Variants in FAM124B observed in about 807,000 individuals in gnomAD.
FAM124B encodes the protein protein FAM124B.
In FAM124B, 18 loss-of-function variants were observed where a neutral mutation model predicts 19.7. The ratio of observed to expected loss-of-function variants is 0.92; its 90% confidence interval spans 0.63 to 1.36. The LOEUF is 1.36. Ranked by LOEUF, FAM124B falls within the 40% of genes most tolerant of loss-of-function variation. The pLI, the probability that FAM124B is intolerant of heterozygous loss-of-function variation, is 0.00. For missense variants in FAM124B, 540 were observed against 553.3 expected, an observed-to-expected ratio of 0.98 and a Z score of 0.24; for synonymous variants, 223 against 225.2, an observed-to-expected ratio of 0.99 and a Z score of 0.09.
chr2:224,387,000 A>G (rs1689809183), intron 1 of FAM124B, among the ~76,000 whole-genome samples: 1 of 152,192 alleles, frequency 6.6e-6, no homozygotes, highest in Non-Finnish European at 1.5e-5. Flanking sequence ...AGAGAAGTCT[A>G]AGATCCTTAA....
Position 224,379,814 on chromosome 2 carries a change from T to C in FAM124B, c.1127A>G (p.Gln376Arg), listed in dbSNP as rs368113991. 46 of 1,551,918 alleles carry C rather than the reference T, an allele frequency of 3.0e-5. No homozygotes were observed. The African/African-American group carries it at 5.7e-4, about 19-fold the overall frequency. ...CCTTGGAAATCCGCCAAAATAAGTC[T>C]GCCTGGGTTCAGAATTTATGATGGT... is the stretch of plus-strand genomic sequence containing the variant. ...GLTIINSEPRQTYFGGFPRDL... is the reference protein window; with the variant it reads ...GLTIINSEPRRTYFGGFPRDL... Residue 376 changes from glutamine (Q) to arginine (R), a missense_variant, in exon 2 of 2, where the codon CAG becomes CGG. Transcript: ENST00000409685.
At chr2:224,394,271 T>C (rs1356983466) in intron 1 of FAM124B, among the ~76,000 whole-genome samples, 1 of 152,114 alleles carries the variant, frequency 6.6e-6, no homozygotes, top group Non-Finnish European at 1.5e-5. Flanking sequence ...ACTCCACCTA[T>C]GCCCCTAGCC....
chr2:224,379,341 G>A lies in FAM124B; in HGVS notation c.*232C>T, dbSNP rs956730307. On this transcript the variant is annotated 3_prime_UTR_variant, in exon 2 of 2. Transcript: ENST00000409685. ...GCATCTCCACGGAACAAAAGCATTC[G>A]GTTTTTTTCCCTGTGTGTTGGCTGT... 7.7e-5 allele frequency: 41 copies of A among 533,972 alleles called. No homozygotes were observed. The highest frequency in any genetic ancestry group is 1.1e-4 in the Non-Finnish European group (37 of 323,706). 33.1% of individuals were successfully genotyped at this position (533,972 alleles called of 1,614,324 possible). A position where few individuals can be genotyped will look rare whatever the true frequency, so the allele number is the denominator to read the frequency against.
rs183966954 is a variant in FAM124B, at chr2:224,391,144, G to T, written c.732+9893C>A. Among the ~76,000 whole-genome samples, 507 of 150,672 alleles carry T rather than the reference G, an allele frequency of 3.4e-3. 13 individuals carry two copies. Among genetic ancestry groups the T allele is most frequent in the Admixed American group, 0.024 (360 of 15,164 alleles). On this transcript the variant is annotated intron_variant, in intron 1 of 1. Coordinates refer to ENST00000409685, the MANE Select transcript of FAM124B (RefSeq NM_001122779.2). ...GATCACGAGGTCAGGAGTTTGAGAC[G>T]AGCCTGGCCAAGATGGTGAAACTCC...
intron 1 of FAM124B, among the ~76,000 whole-genome samples, chr2:224,390,507 G>A (rs143909154): frequency 6.6e-6 from 1 of 151,972 alleles, no homozygotes; most frequent in East Asian, 1.9e-4. Context: ...GAGGGCCTCT[G>A]GTAACAGAAA....
At position 224,379,722 on chromosome 2, in the gene FAM124B, T is replaced by G. The variant is rs758419033; in HGVS notation, c.1219A>C (p.Asn407His). The G allele has an allele frequency of 1.9e-6, 3 of 1,551,686 alleles. No individual in the cohort carries two copies. The highest frequency in any genetic ancestry group is 1.7e-4 in the Middle Eastern group (1 of 5,992). ...ACTCTTTCCTTAAGGACACTGTTGT[T>G]TTTGGAGGTAGCCACCCCCAAGGAA... Reference protein sequence around the residue: ...ASSLGVATSKNNSVLKERVSP... With the variant: ...ASSLGVATSKHNSVLKERVSP... The change falls in exon 2 of 2, where the codon AAC becomes CAC. Residue 407 changes from asparagine to histidine, a missense_variant. Physicochemically the swap from Asn to His is moderately conservative, Grantham distance 68. Transcript: ENST00000409685.
At position 224,383,257 on chromosome 2, in the gene FAM124B, G is replaced by A. The variant is rs190727636; in HGVS notation, c.733-3049C>T. Among the ~76,000 whole-genome samples, 5 of 152,192 alleles carry A rather than the reference G, an allele frequency of 3.3e-5. 1 individual carries two copies. Among genetic ancestry groups the A allele is most frequent in the African/African-American group, 7.2e-5 (3 of 41,512 alleles). ...TAATTCTAATGTGCAGCGAAGTTTC[G>A]GAACTACTGCCATGGACCCAGAAAA... On this transcript the variant is annotated intron_variant, in intron 1 of 1. Coordinates refer to ENST00000409685, the MANE Select transcript of FAM124B (RefSeq NM_001122779.2).
At chr2:224,391,419 A>G (rs149937988) in intron 1 of FAM124B, among the ~76,000 whole-genome samples, 194 of 152,162 alleles carry the variant, frequency 1.3e-3, no homozygotes, top group African/African-American at 4.4e-3. Context: ...AACCTTATCC[A>G]GTAGGTTACT....
intron 1 of FAM124B, among the ~76,000 whole-genome samples, chr2:224,381,429 C>G (rs943391130): frequency 3.3e-5 from 5 of 151,842 alleles, no homozygotes; most frequent in Admixed American, 6.6e-5. Context: ...GCACTCCAGC[C>G]TGGGTGACAG....
chr2:224,397,034 C>A (rs1386596881), intron 1 of FAM124B, among the ~76,000 whole-genome samples: 1 of 152,046 alleles, frequency 6.6e-6, no homozygotes, highest in African/African-American at 2.4e-5. Context: ...ATTTTCTTTT[C>A]TTTTCTTCTC....
chr2:224,397,032 T>TTCTTTTCTTCTCTTCTCTCC (rs1217272447), intron 1 of FAM124B, among the ~76,000 whole-genome samples: 3 of 152,070 alleles, frequency 2.0e-5, no homozygotes, highest in Admixed American at 6.5e-5. Flanking sequence ...GGATTTTCTT[T>TTCTTTTCTTCTCTTCTCTCC]TCTTTTCTTC....
chr2:224,380,394 A>G (rs1156369758), intron 1 of FAM124B, among the ~76,000 whole-genome samples, 186 bp from the exon 2 acceptor site: 1 of 152,168 alleles, frequency 6.6e-6, no homozygotes, highest in African/African-American at 2.4e-5. Flanking sequence ...CCCAGCCCCA[A>G]ATACCTCTCT....
chr2:224,390,537 A>G (rs1375697924), intron 1 of FAM124B, among the ~76,000 whole-genome samples: 4 of 152,050 alleles, frequency 2.6e-5, no homozygotes, highest in Non-Finnish European at 4.4e-5. Flanking sequence ...AAATGCCGTG[A>G]GCTCATCGAG....
At chr2:224,393,522 G>A (rs1272290099) in intron 1 of FAM124B, among the ~76,000 whole-genome samples, 1 of 152,168 alleles carries the variant, frequency 6.6e-6, no homozygotes, top group Non-Finnish European at 1.5e-5. Context: ...GAGGCGAGGT[G>A]TGTGTGACCT....
chr2:224,400,704 T>C (rs1690053513), intron 1 of FAM124B, among the ~76,000 whole-genome samples: 1 of 152,152 alleles, frequency 6.6e-6, no homozygotes, highest in South Asian at 2.1e-4. Flanking sequence ...CTGATCTTTA[T>C]AGTAGAATCC....
At position 224,401,896 on chromosome 2, in the gene FAM124B, TGA is replaced by T. The variant is rs1233693291; in HGVS notation, c.-130_-129del. On this transcript the variant is annotated 5_prime_UTR_variant, in exon 1 of 2. Coordinates refer to ENST00000409685, the MANE Select transcript of FAM124B (RefSeq NM_001122779.2). ...AACCTTCAGCTGCAGCGGCTACTTC[TGA>T]GCAGAGCTCTTAACCAGACTAACAC... 8.9e-7 allele frequency: 1 copy of T among 1,117,606 alleles called. No homozygotes were observed. The highest frequency in any genetic ancestry group is 1.3e-6 in the Non-Finnish European group (1 of 793,330). The allele number at this position is 1,117,606 out of a possible 1,614,324, so 69.2% of individuals were successfully genotyped here. A position where few individuals can be genotyped will look rare whatever the true frequency, so the allele number is the denominator to read the frequency against.
chr2:224,393,527 T>G (rs1311267362), intron 1 of FAM124B, among the ~76,000 whole-genome samples: 1 of 152,212 alleles, frequency 6.6e-6, no homozygotes, highest in Non-Finnish European at 1.5e-5. Flanking sequence ...GAGGTGTGTG[T>G]GACCTTTCCC....
chr2:224,401,819 T>C lies in FAM124B; in HGVS notation c.-51A>G, dbSNP rs1386930173. On this transcript the variant is annotated 5_prime_UTR_variant, in exon 1 of 2. Transcript: ENST00000409685. ...GACAGCGTGTGTAGAAGGCCCACTG[T>C]TCAAGTTTCTGAAATGAATGAAGAA... 2 of 1,552,850 alleles carry C rather than the reference T, an allele frequency of 1.3e-6. No individual in the cohort carries two copies. The highest frequency in any genetic ancestry group is 1.7e-6 in the Non-Finnish European group (2 of 1,152,852).
At chr2:224,388,310 T>A (rs936943241) in intron 1 of FAM124B, among the ~76,000 whole-genome samples, 1 of 152,186 alleles carries the variant, frequency 6.6e-6, no homozygotes, top group African/African-American at 2.4e-5. Flanking sequence ...AATTGAAGAT[T>A]AAATGAAAGG....
Sources: gnomAD v4.1 joint callset for allele counts (sites outside exome capture counted in the v4.1 genomes callset) on GRCh38, gnomAD v4.1.1 for gene constraint, MANE v1.5 for transcripts, NCBI Gene and HGNC (gene_info 2026-07-23, HGNC 2026-07-21) for gene names.